CDH18: variants seen among roughly 807,000 people sequenced by gnomAD.
The protein encoded by CDH18 is cadherin 18.
CDH18 carries 31 observed loss-of-function variants against 67.9 expected under a neutral mutation model. The observed-to-expected ratio is 0.46, with a 90% CI of 0.34 to 0.62. The LOEUF is 0.62. Ranked by LOEUF, CDH18 falls within the 20% of genes least tolerant of loss-of-function variation. The probability of loss-of-function intolerance (pLI) is 0.01; values close to 1 mark genes in which losing one functional copy is unlikely to be tolerated. For synonymous variants in CDH18, 362 were observed against 347.2 expected, an observed-to-expected ratio of 1.04 and a Z score of -0.48; for missense variants, 890 against 975.5, an observed-to-expected ratio of 0.91 and a Z score of 1.17.
intron 2 of CDH18, among the ~76,000 whole-genome samples, chr5:19,841,155 A>G (rs1267010849): frequency 6.6e-6 from 1 of 152,206 alleles, no homozygotes; most frequent in East Asian, 1.9e-4. Context: ...CCATTGTGCA[A>G]CAATTGTGTA....
At chr5:20,399,941 G>A (rs1035347078) in intron 1 of CDH18, among the ~76,000 whole-genome samples, 2 of 152,132 alleles carry the variant, frequency 1.3e-5, no homozygotes, top group Admixed American at 6.6e-5. Context: ...AACACCCTCC[G>A]AGCTATAAGA....
intron 1 of CDH18, among the ~76,000 whole-genome samples, chr5:20,505,267 C>A (rs1754590599): frequency 6.6e-6 from 1 of 152,014 alleles, no homozygotes; most frequent in South Asian, 2.1e-4. Flanking sequence ...TTAAAGTGCT[C>A]TCTAGGACAA....
intron 1 of CDH18, among the ~76,000 whole-genome samples, chr5:20,319,948 C>A (rs1181194495): frequency 6.6e-6 from 1 of 152,140 alleles, no homozygotes; most frequent in Non-Finnish European, 1.5e-5. Context: ...AAATACCTAA[C>A]AAACTTAGTC....
chr5:20,167,973 G>C lies in CDH18; in HGVS notation c.-518+87471C>G, dbSNP rs532461424. ...AAAAATGTGTGGTGTGGATCTAACT[G>C]GGAAACAGCAAATACCTAGCACAGA... is the stretch of plus-strand genomic sequence containing the variant. On this transcript the variant is annotated intron_variant, in intron 2 of 14. Transcript: ENST00000507958. 2.6e-5 allele frequency among the ~76,000 whole-genome samples: 4 copies of C among 152,246 alleles called. No individual in the cohort carries two copies. The South Asian group carries it at 8.3e-4, about 32-fold the overall frequency.
At chr5:19,809,764 C>T (rs1242200320) in intron 3 of CDH18, among the ~76,000 whole-genome samples, 2 of 152,066 alleles carry the variant, frequency 1.3e-5, no homozygotes, top group African/African-American at 2.4e-5. Flanking sequence ...TTGTTGACAG[C>T]AGTTAAAAAG....
chr5:20,364,930 T>A (rs1022173525), intron 1 of CDH18, among the ~76,000 whole-genome samples: 1 of 152,190 alleles, frequency 6.6e-6, no homozygotes, highest in Admixed American at 6.5e-5. Context: ...ATGGGAATTG[T>A]TTTTTGAGGA....
At chr5:19,961,246 G>A (rs1048927672) in intron 2 of CDH18, among the ~76,000 whole-genome samples, 1 of 151,540 alleles carries the variant, frequency 6.6e-6, no homozygotes, top group Non-Finnish European at 1.5e-5. Context: ...GGGATTACAG[G>A]CGCACACCAC....
At chr5:19,945,234 A>G (rs1005474824) in intron 2 of CDH18, among the ~76,000 whole-genome samples, 2 of 152,152 alleles carry the variant, frequency 1.3e-5, no homozygotes, top group Non-Finnish European at 2.9e-5. Flanking sequence ...GAGGTAGCTC[A>G]GGAAACCTAT....
chr5:19,522,894 CAAAAAAAA>C (rs36099222), intron 9 of CDH18, among the ~76,000 whole-genome samples: 2 of 83,876 alleles, frequency 2.4e-5, no homozygotes, highest in African/African-American at 4.7e-5. Context: ...GACTCCTTCT[CAAAAAAAA>C]AAAAAAAAAA....
rs12657194 is a variant in CDH18, at chr5:19,762,786, G to A, written c.229-15550C>T. On this transcript the variant is annotated intron_variant, in intron 3 of 12. Coordinates refer to ENST00000382275, the MANE Select transcript of CDH18 (RefSeq NM_004934.5). ...GGATTATAAATCATGCTACCATAAA[G>A]ACACATGCACACGTATGTTTGTTGC... 9.3e-3 allele frequency among the ~76,000 whole-genome samples: 1,414 copies of A among 152,188 alleles called. 124 individuals are homozygous for A. The East Asian group carries it at 0.21, about 22-fold the overall frequency.
chr5:20,064,941 C>T (rs1192796367), intron 2 of CDH18, among the ~76,000 whole-genome samples: 2 of 151,858 alleles, frequency 1.3e-5, no homozygotes, highest in Admixed American at 1.3e-4. Context: ...TATACATTAA[C>T]TTTATCACTG....
intron 2 of CDH18, among the ~76,000 whole-genome samples, chr5:19,907,316 T>C (rs761934885): frequency 7.9e-5 from 12 of 151,902 alleles, no homozygotes; most frequent in Non-Finnish European, 2.9e-5. Context: ...GGGACAAAAG[T>C]GTTTTGGATT....
At chr5:20,388,199 G>C (rs13166278) in intron 1 of CDH18, among the ~76,000 whole-genome samples, 1 of 152,126 alleles carries the variant, frequency 6.6e-6, no homozygotes, top group African/African-American at 2.4e-5. Flanking sequence ...TCTGGTCCTA[G>C]ACTTTTTTTG....
intron 5 of CDH18, among the ~76,000 whole-genome samples, chr5:19,689,372 T>C (rs1561054101): frequency 6.6e-6 from 1 of 151,888 alleles, no homozygotes; most frequent in Admixed American, 6.6e-5. Context: ...GGATGATATA[T>C]TCAAAGGGCT....
chr5:20,375,899 T>C (rs973521041), intron 1 of CDH18, among the ~76,000 whole-genome samples: 2 of 151,824 alleles, frequency 1.3e-5, no homozygotes, highest in African/African-American at 4.8e-5. Flanking sequence ...GAAATATCTA[T>C]CAACATCTAT....
intron 2 of CDH18, among the ~76,000 whole-genome samples, chr5:19,872,278 G>T (rs1466110551): frequency 6.6e-6 from 1 of 152,174 alleles, no homozygotes; most frequent in Non-Finnish European, 1.5e-5. Context: ...TAACCTTAGG[G>T]TATGTGAACT....
chr5:19,858,384 A>G (rs1422268043), intron 2 of CDH18, among the ~76,000 whole-genome samples: 1 of 152,196 alleles, frequency 6.6e-6, no homozygotes, highest in Non-Finnish European at 1.5e-5. Context: ...GATCAGGAAA[A>G]AGACCTGCAA....
At chr5:20,341,747 T>C (rs2150044256) in intron 1 of CDH18, among the ~76,000 whole-genome samples, 1 of 152,038 alleles carries the variant, frequency 6.6e-6, no homozygotes, top group East Asian at 1.9e-4. Flanking sequence ...GACCCAAAAA[T>C]GCTAAGGACT....
intron 5 of CDH18, among the ~76,000 whole-genome samples, chr5:19,679,371 A>T (rs1759944348): frequency 6.6e-6 from 1 of 151,878 alleles, no homozygotes; most frequent in Admixed American, 6.6e-5. Flanking sequence ...AAAGCTAAAA[A>T]AATTCCCCTT....
Sources: allele counts gnomAD v4.1 joint callset (sites outside exome capture counted in the v4.1 genomes callset), GRCh38; gene constraint gnomAD v4.1.1; transcripts MANE v1.5; gene names NCBI Gene and HGNC (gene_info 2026-07-23, HGNC 2026-07-21).